Variants in MTUS2 observed in about 807,000 individuals in gnomAD.
MTUS2 encodes the protein microtubule-associated tumor suppressor candidate 2.
In MTUS2, 40 loss-of-function variants were observed where a neutral mutation model predicts 114.1. The observed-to-expected ratio is 0.35, with a 90% confidence interval of 0.27 to 0.46. The LOEUF (loss-of-function observed/expected upper bound fraction) is 0.46. MTUS2 is among the 20% of genes least tolerant of loss of function. The pLI, the probability that MTUS2 is intolerant of heterozygous loss-of-function variation, is 1.00. For synonymous variants in MTUS2, 688 were observed against 672.0 expected, an observed-to-expected ratio of 1.02 and a Z score of -0.37; for missense variants, 1,679 against 1,705.4, an observed-to-expected ratio of 0.98 and a Z score of 0.27.
intron 5 of MTUS2, among the ~76,000 whole-genome samples, chr13:29,234,542 T>C (rs1391450719): frequency 6.6e-6 from 1 of 152,172 alleles, no homozygotes; most frequent in East Asian, 1.9e-4. Context: ...ATTATTTTGA[T>C]GGAAAGCCTG....
At chr13:29,189,107 C>G (rs1475362838) in intron 5 of MTUS2, among the ~76,000 whole-genome samples, 2 of 152,116 alleles carry the variant, frequency 1.3e-5, no homozygotes, top group East Asian at 3.9e-4. Flanking sequence ...AATTAGTGTT[C>G]CTAGAATTGC....
At chr13:29,365,365 A>G (rs929317024) in intron 8 of MTUS2, among the ~76,000 whole-genome samples, 6 of 152,200 alleles carry the variant, frequency 3.9e-5, no homozygotes, top group Non-Finnish European at 8.8e-5. Flanking sequence ...GAAGCCTGAT[A>G]AAACCCACCT....
At chr13:29,362,240 C>T (rs1870319321) in intron 8 of MTUS2, among the ~76,000 whole-genome samples, 1 of 152,178 alleles carries the variant, frequency 6.6e-6, no homozygotes, top group African/African-American at 2.4e-5. Flanking sequence ...CTGCCTCAGC[C>T]TCCTAAAGCA....
At chr13:28,963,753 C>T (rs1406185984) in intron 2 of MTUS2, among the ~76,000 whole-genome samples, 5 of 152,194 alleles carry the variant, frequency 3.3e-5, no homozygotes, top group Non-Finnish European at 7.4e-5. Context: ...CCCGTCACTC[C>T]ATGGAGACTG....
chr13:29,456,761 G>A (rs758530405), intron 9 of MTUS2, among the ~76,000 whole-genome samples: 30 of 152,168 alleles, frequency 2.0e-4, no homozygotes, highest in Non-Finnish European at 3.8e-4. Flanking sequence ...TCTATATCTT[G>A]AGAAAATATC....
chr13:28,964,132 A>G (rs1883465556), intron 2 of MTUS2, among the ~76,000 whole-genome samples: 2 of 152,338 alleles, frequency 1.3e-5, no homozygotes, highest in South Asian at 4.1e-4. Flanking sequence ...TGGGTGTCTA[A>G]TAGGGGTCTC....
chr13:28,905,451 G>GT (rs1331938122), intron 2 of MTUS2, among the ~76,000 whole-genome samples: 1 of 151,656 alleles, frequency 6.6e-6, no homozygotes, highest in African/African-American at 2.4e-5. Flanking sequence ...TTTATTGAGA[G>GT]TTTTTAGCAT....
chr13:28,851,630 A>T (rs945658288), intron 2 of MTUS2, among the ~76,000 whole-genome samples: 1 of 152,234 alleles, frequency 6.6e-6, no homozygotes. Flanking sequence ...GACTCTGACC[A>T]GGGTCCTGAA....
At chr13:29,366,582 A>G (rs560044568) in intron 8 of MTUS2, among the ~76,000 whole-genome samples, 9 of 152,308 alleles carry the variant, frequency 5.9e-5, no homozygotes, top group African/African-American at 1.9e-4. Flanking sequence ...GAGTATGCCT[A>G]TTGATCCCTG....
intron 9 of MTUS2, among the ~76,000 whole-genome samples, chr13:29,465,496 C>T (rs919052588): frequency 6.6e-6 from 1 of 152,202 alleles, no homozygotes; most frequent in Non-Finnish European, 1.5e-5. Context: ...GCATTTAACA[C>T]CAGGTAATCG....
chr13:29,363,764 T>C (rs9508414), intron 8 of MTUS2, among the ~76,000 whole-genome samples: 48,674 of 152,062 alleles, frequency 0.32, 7,873 homozygotes, highest in Middle Eastern at 0.39. Flanking sequence ...AGCAACTCTG[T>C]CTCTACCATA....
At chr13:28,957,220 ATC>A (rs759016393) in intron 2 of MTUS2, among the ~76,000 whole-genome samples, 1 of 152,200 alleles carries the variant, frequency 6.6e-6, no homozygotes, top group Non-Finnish European at 1.5e-5. Flanking sequence ...AGTGTCTGGT[ATC>A]CTTTCCCTTT....
intron 5 of MTUS2, among the ~76,000 whole-genome samples, chr13:29,107,774 A>G (rs975372010): frequency 2.0e-5 from 3 of 152,186 alleles, no homozygotes; most frequent in African/African-American, 4.8e-5. Flanking sequence ...CCAAACTTAG[A>G]TGTCTCGTTT....
intron 5 of MTUS2, among the ~76,000 whole-genome samples, chr13:29,175,784 T>TC (rs1258602200): frequency 6.6e-6 from 1 of 151,874 alleles, no homozygotes; most frequent in Non-Finnish European, 1.5e-5. Flanking sequence ...CTTTTTTTTT[T>TC]TCTGGAAACT....
intron 2 of MTUS2, among the ~76,000 whole-genome samples, chr13:28,877,144 AAC>A (rs1491041047): frequency 6.2e-4 from 93 of 150,566 alleles, no homozygotes; most frequent in African/African-American, 2.2e-3. Flanking sequence ...AAAAAAAAAA[AAC>A]AACAAAAAAA....
At chr13:29,194,985 T>G (rs1029630896) in intron 5 of MTUS2, among the ~76,000 whole-genome samples, 16 of 148,812 alleles carry the variant, frequency 1.1e-4, no homozygotes, top group African/African-American at 3.5e-4. Flanking sequence ...CTCAGTAAAC[T>G]ATCGCAAGAA....
intron 5 of MTUS2, among the ~76,000 whole-genome samples, chr13:29,175,464 G>A (rs1266261260): frequency 6.6e-6 from 1 of 152,182 alleles, no homozygotes; most frequent in Non-Finnish European, 1.5e-5. Context: ...GACAACGGGT[G>A]TTCTCCACTT....
At chr13:29,361,334 A>G (rs1308767511) in intron 8 of MTUS2, among the ~76,000 whole-genome samples, 2 of 152,208 alleles carry the variant, frequency 1.3e-5, no homozygotes, top group African/African-American at 4.8e-5. Context: ...AGTAACTCCA[A>G]ATGGGCTTCA....
chr13:29,392,623 G>C (rs1873598345), intron 8 of MTUS2, among the ~76,000 whole-genome samples: 1 of 152,196 alleles, frequency 6.6e-6, no homozygotes, highest in South Asian at 2.1e-4. Context: ...TTTTAAGATA[G>C]TGATGTTTTT....
Sources: allele counts gnomAD v4.1 joint callset (sites outside exome capture counted in the v4.1 genomes callset), GRCh38; gene constraint gnomAD v4.1.1; transcripts MANE v1.5; gene names NCBI Gene and HGNC (gene_info 2026-07-23, HGNC 2026-07-21).